DSCAML1: variants seen among roughly 807,000 people sequenced by gnomAD.
The protein encoded by DSCAML1 is cell adhesion molecule DSCAML1.
In DSCAML1, 38 loss-of-function variants were observed where a neutral mutation model predicts 200.5. The observed-to-expected ratio is 0.19, with a 90% confidence interval of 0.15 to 0.25. The LOEUF is 0.25. Ranked by LOEUF, DSCAML1 falls within the 10% of genes least tolerant of loss-of-function variation. The pLI, the probability that DSCAML1 is intolerant of heterozygous loss-of-function variation, is 1.00. For missense variants in DSCAML1, 2,223 were observed against 2,858.8 expected, an observed-to-expected ratio of 0.78 and a Z score of 5.07; for synonymous variants, 1,215 against 1,165.0, an observed-to-expected ratio of 1.04 and a Z score of -0.87.
At chr11:117,673,881 G>A (rs779132319) in intron 3 of DSCAML1, among the ~76,000 whole-genome samples, 2 of 152,204 alleles carry the variant, frequency 1.3e-5, no homozygotes, top group African/African-American at 4.8e-5. Flanking sequence ...GGAACTCAGC[G>A]TTTCCATTTA....
At chr11:117,529,992 A>T (rs1296464996) in intron 4 of DSCAML1, among the ~76,000 whole-genome samples, 1 of 151,870 alleles carries the variant, frequency 6.6e-6, no homozygotes, top group Non-Finnish European at 1.5e-5. Flanking sequence ...CCCTCCCTGG[A>T]GCCCCGTCGC....
upstream of DSCAML1, among the ~76,000 whole-genome samples, chr11:117,799,527 C>T (rs1464241544): frequency 6.6e-6 from 1 of 152,168 alleles, no homozygotes; most frequent in African/African-American, 2.4e-5. Flanking sequence ...TTCATTGTGC[C>T]GGTGACTGCA....
At chr11:117,443,461 C>T (rs970106847) in intron 21 of DSCAML1, among the ~76,000 whole-genome samples, 1 of 152,248 alleles carries the variant, frequency 6.6e-6, no homozygotes, top group Admixed American at 6.5e-5. Flanking sequence ...ATCACCCCTG[C>T]CCGGTGTCCA....
chr11:117,674,858 TG>T (rs2053178583), intron 3 of DSCAML1, among the ~76,000 whole-genome samples: 1 of 152,150 alleles, frequency 6.6e-6, no homozygotes, highest in Non-Finnish European at 1.5e-5. Flanking sequence ...TTTCTGCATT[TG>T]TAGAATGGGG....
At chr11:117,743,349 C>T (rs1360109923) in intron 3 of DSCAML1, among the ~76,000 whole-genome samples, 3 of 152,174 alleles carry the variant, frequency 2.0e-5, no homozygotes, top group Non-Finnish European at 4.4e-5. Flanking sequence ...ATCCACATGG[C>T]TGCACACACA....
intron 3 of DSCAML1, among the ~76,000 whole-genome samples, chr11:117,753,763 A>G (rs756198443): frequency 2.0e-5 from 3 of 152,220 alleles, no homozygotes; most frequent in South Asian, 2.1e-4. Flanking sequence ...TTAGTTAGAC[A>G]TGGCTGTCAC....
intron 1 of DSCAML1, among the ~76,000 whole-genome samples, chr11:117,803,030 T>C (rs2055675187): frequency 2.0e-5 from 3 of 152,004 alleles, no homozygotes; most frequent in Admixed American, 6.6e-5. Flanking sequence ...TACCCTTTTC[T>C]GCTCTGGCTT....
In DSCAML1 at chr11:117,428,953, G is replaced by A. The variant is rs1395364931; in HGVS notation, c.5687-150C>T. On this transcript the variant is annotated intron_variant, in intron 32 of 32. Transcript: ENST00000651296. ...GGGGGCAATAAAGAGTAGCGGAAAG[G>A]TCGGGTACTTGGCCCTTCTGAGCCT... 9 of 679,672 alleles carry A rather than the reference G, an allele frequency of 1.3e-5. No homozygotes were observed. The East Asian group carries it at 2.4e-4, about 18-fold the overall frequency. The allele number at this position is 679,672 out of a possible 1,614,324, so 42.1% of individuals were successfully genotyped here. A position where few individuals can be genotyped will look rare whatever the true frequency, so the allele number is the denominator to read the frequency against.
At chr11:117,593,896 G>T (rs2051310336) in intron 3 of DSCAML1, among the ~76,000 whole-genome samples, 2 of 151,886 alleles carry the variant, frequency 1.3e-5, no homozygotes, top group Non-Finnish European at 1.5e-5. Context: ...TGTATTTTTA[G>T]TAGAGACGGT....
chr11:117,776,890 G>T lies in DSCAML1; in HGVS notation c.412C>A (p.Arg138Ser). The change falls in exon 3 of 33, where the codon CGT becomes AGT. Residue 138 changes from arginine to serine, a missense_variant. By Grantham distance (110) the Arg-to-Ser change is moderately radical. This residue lies in a region of DSCAML1 where 579 missense variants were observed against 721.5 expected (regional missense o/e 0.80). Coordinates refer to ENST00000651296, the MANE Select transcript of DSCAML1 (RefSeq NM_020693.4). ...TVRVEDQRSM[R>S]GNVAVFKCLI... ...CACTTGAAGACGGCCACGTTGCCAC[G>T]CATTGACCTTTGATCCTCCACCCGG... 6.2e-7 allele frequency: 1 copy of T among 1,614,130 alleles called. No individual in the cohort carries two copies. The highest frequency in any genetic ancestry group is 1.1e-5 in the South Asian group (1 of 91,082).
At chr11:117,671,411 C>A (rs1299735533) in intron 3 of DSCAML1, among the ~76,000 whole-genome samples, 2 of 152,156 alleles carry the variant, frequency 1.3e-5, no homozygotes, top group Admixed American at 6.5e-5. Context: ...ACCTGCTAAA[C>A]CCAGCACACA....
At chr11:117,589,279 T>C (rs2051211231) in intron 3 of DSCAML1, among the ~76,000 whole-genome samples, 1 of 152,196 alleles carries the variant, frequency 6.6e-6, no homozygotes, top group Admixed American at 6.5e-5. Context: ...TAGACCCGGT[T>C]GGATTCGATG....
chr11:117,439,750 TCTC>T, intron 22 of DSCAML1, 66 bp downstream of exon 22: 1 of 1,464,872 alleles, frequency 6.8e-7, no homozygotes. Flanking sequence ...CCCAGACTCT[TCTC>T]CACACCGCTC....
Position 117,503,879 on chromosome 11 carries a change from G to C in DSCAML1, c.2325C>G (p.Thr775=). ...YLCQASNGVG[T]DISKSMFLTV... ...TGAGGAACATGGACTTGCTGATGTC[G>C]GTGCCTACGCCGTTGCTGGCCTGGC... The change falls in exon 11 of 33, where the codon ACC becomes ACG. Residue 775 remains threonine (T), a synonymous_variant. Transcript: ENST00000651296. The surrounding 1 kb of genome is among the most constrained non-coding windows in gnomAD (Gnocchi z 5.2). 6.2e-7 allele frequency: 1 copy of C among 1,614,114 alleles called. No homozygotes were observed. The highest frequency in any genetic ancestry group is 8.5e-7 in the Non-Finnish European group (1 of 1,180,018).
rs186429316 is a variant in DSCAML1 at position 117,738,434 on chromosome 11, C to T, written c.511+38357G>A. Among the ~76,000 whole-genome samples the T allele has an allele frequency of 1.9e-4, 29 of 151,970 alleles. No homozygotes were observed. The East Asian group carries it at 3.1e-3, about 16-fold the overall frequency. On this transcript the variant is annotated intron_variant, in intron 3 of 32. Transcript: ENST00000651296. ...ACGTCAGCCAGACCCCTCTGGCTGA[C>T]GTCAGCATTACTCATACAACGTCAA... is the stretch of plus-strand genomic sequence containing the variant.
chr11:117,558,910 T>C (rs528475076), intron 3 of DSCAML1, among the ~76,000 whole-genome samples: 96 of 152,270 alleles, frequency 6.3e-4, no homozygotes, highest in African/African-American at 2.2e-3. Flanking sequence ...GGTCAGGGGT[T>C]AATTTTATTA....
intron 3 of DSCAML1, among the ~76,000 whole-genome samples, chr11:117,627,139 A>T (rs751328501): frequency 6.6e-6 from 1 of 152,186 alleles, no homozygotes; most frequent in African/African-American, 2.4e-5. Flanking sequence ...CACATATTAC[A>T]AGAGAAATAT....
chr11:117,458,713 G>A (rs369486737), intron 19 of DSCAML1, 41 bp downstream of exon 19: 11 of 1,602,604 alleles, frequency 6.9e-6, no homozygotes, highest in Non-Finnish European at 9.3e-6. Context: ...TTAGCAGTGG[G>A]TGGCAGGGCC....
intron 20 of DSCAML1, among the ~76,000 whole-genome samples, chr11:117,446,102 A>G (rs1438594994): frequency 6.6e-6 from 1 of 152,244 alleles, no homozygotes; most frequent in Non-Finnish European, 1.5e-5. Flanking sequence ...ACTGGCTCAC[A>G]TCTGTAATCC....
Sources: gnomAD v4.1 joint callset for allele counts (sites outside exome capture counted in the v4.1 genomes callset) on GRCh38, gnomAD v4.1.1 for gene constraint, gnomAD v4.1.1 regional missense constraint, Gnocchi (gnomAD v3.1) non-coding constraint, MANE v1.5 for transcripts, NCBI Gene and HGNC (gene_info 2026-07-23, HGNC 2026-07-21) for gene names.